WDFY4: variants seen among roughly 807,000 people sequenced by gnomAD.
WDFY4 encodes the protein WD repeat- and FYVE domain-containing protein 4.
A neutral mutation model predicts 351.9 loss-of-function variants in WDFY4; 169 were observed. That is an observed-to-expected ratio of 0.48 (90% CI 0.42 to 0.55). The LOEUF is 0.55. Ranked by LOEUF, WDFY4 falls within the 20% of genes least tolerant of loss-of-function variation. The pLI, the probability that WDFY4 is intolerant of heterozygous loss-of-function variation, is 0.00. For synonymous variants in WDFY4, 1,622 were observed against 1,574.6 expected (o/e 1.03, Z -0.71); for missense variants, 3,803 against 3,935.6 (o/e 0.97, Z 0.90).
In WDFY4 at chr10:48,946,082, A is replaced by G; in HGVS notation, c.7792A>G (p.Lys2598Glu). ...TCCGAAGATTTTCCGGGATCTTTCA[A>G]AGCCCATGGGGGCTCAGACCAAGGA... ...ANPKIFRDLS[K>E]PMGAQTKERK... is the part of the protein sequence containing the mutation. The change falls in exon 50 of 62, where the codon AAG (lysine) becomes GAG (glutamate). Residue 2598 changes from lysine (K) to glutamate (E), a missense_variant. Coordinates refer to ENST00000325239, the MANE Select transcript of WDFY4 (RefSeq NM_001394531.1). 1 of 1,545,210 alleles carries G rather than the reference A, an allele frequency of 6.5e-7. No individual in the cohort carries two copies.
rs1417064466 is a variant in WDFY4, at chr10:48,820,440, G to A, written c.5709+3G>A. The A allele has an allele frequency of 3.7e-5, 58 of 1,550,530 alleles. No individual in the cohort carries two copies. Among genetic ancestry groups the A allele is most frequent in the Non-Finnish European group, 4.9e-5 (56 of 1,146,414 alleles). On this transcript the variant is annotated splice_donor_region_variant and intron_variant, in intron 33 of 61. Transcript: ENST00000325239. ...TGCCCCTGGAGGTGCTCCTGGAGGT[G>A]GGTTGGAAAAGGTGACATTGGGCCA...
chr10:48,720,288 G>A (rs992986824), intron 3 of WDFY4, among the ~76,000 whole-genome samples, 163 bp downstream of exon 3: 2 of 152,208 alleles, frequency 1.3e-5, no homozygotes, highest in African/African-American at 4.8e-5. Context: ...AGGGACCAAG[G>A]GAAATGCAGG....
At chr10:48,712,354 T>G (rs2063789936) in intron 2 of WDFY4, among the ~76,000 whole-genome samples, 1 of 152,222 alleles carries the variant, frequency 6.6e-6, no homozygotes, top group Non-Finnish European at 1.5e-5. Flanking sequence ...TCCAGTGTAC[T>G]TACTGCACAT....
chr10:48,915,019 A>G (rs972088243), intron 47 of WDFY4, among the ~76,000 whole-genome samples: 4 of 152,224 alleles, frequency 2.6e-5, no homozygotes, highest in East Asian at 1.9e-4. Flanking sequence ...CAGAATGTCA[A>G]TGTGATGTGA....
chr10:48,690,560 C>G (rs1020875054), intron 1 of WDFY4, among the ~76,000 whole-genome samples: 1 of 152,152 alleles, frequency 6.6e-6, no homozygotes, highest in East Asian at 1.9e-4. Context: ...GGTAGCTTCT[C>G]TCTATAGGCA....
intron 57 of WDFY4, among the ~76,000 whole-genome samples, chr10:48,971,808 A>C (rs73298957): frequency 2.6e-4 from 39 of 152,304 alleles, no homozygotes; most frequent in African/African-American, 9.1e-4. Flanking sequence ...GGCAACAGGC[A>C]GGTGACCTTC....
At chr10:48,822,149 T>C (rs1238405242) in intron 34 of WDFY4, among the ~76,000 whole-genome samples, 1 of 152,228 alleles carries the variant, frequency 6.6e-6, no homozygotes, top group Non-Finnish European at 1.5e-5. Context: ...TGCTTCACCT[T>C]GCTTGCTTTC....
At chr10:48,876,904 A>T (rs1056741237) in intron 42 of WDFY4, 129 bp from the exon 43 acceptor site, 3 of 895,268 alleles carry the variant, frequency 3.4e-6, no homozygotes, top group Non-Finnish European at 3.1e-6. Flanking sequence ...GCACAGTGAG[A>T]GATCCACGCT....
At chr10:48,839,557 T>C (rs1483184562) in intron 39 of WDFY4, among the ~76,000 whole-genome samples, 1 of 151,882 alleles carries the variant, frequency 6.6e-6, no homozygotes, top group Non-Finnish European at 1.5e-5. Context: ...GATCTTGTGA[T>C]AGGTTCTTAC....
chr10:48,687,510 G>A (rs1269389328), intron 1 of WDFY4, among the ~76,000 whole-genome samples: 1 of 151,972 alleles, frequency 6.6e-6, no homozygotes, highest in East Asian at 1.9e-4. Context: ...GCCTGGAAAT[G>A]GCTTTTGTGT....
chr10:48,769,903 C>T (rs746688306), intron 13 of WDFY4, among the ~76,000 whole-genome samples: 2 of 152,224 alleles, frequency 1.3e-5, no homozygotes, highest in Non-Finnish European at 2.9e-5. Flanking sequence ...GCTAATTTGC[C>T]TTGCGGGCCC....
In WDFY4 at chr10:48,806,000, A is replaced by G. The variant is rs1231453557; in HGVS notation, c.4647-4A>G. The G allele has an allele frequency of 1.3e-6, 2 of 1,551,480 alleles. No individual in the cohort carries two copies. Among genetic ancestry groups the G allele is most frequent in the African/African-American group, 2.7e-5 (2 of 73,036 alleles). On this transcript the variant is annotated splice_region_variant and splice_polypyrimidine_tract_variant and intron_variant, in intron 26 of 61. Transcript: ENST00000325239. ...AGCCTGTCCTTCTCTCCCTGTGTATAAAGGATTGGGCTGTTTGTTGTGTAC... is the reference window on the plus strand; with the variant it reads ...AGCCTGTCCTTCTCTCCCTGTGTATGAAGGATTGGGCTGTTTGTTGTGTAC...
chr10:48,903,995 A>C (rs35599486), intron 47 of WDFY4, among the ~76,000 whole-genome samples: 1 of 152,162 alleles, frequency 6.6e-6, no homozygotes, highest in Non-Finnish European at 1.5e-5. Flanking sequence ...TGTGGAAGAC[A>C]TCCTGGAAGC....
At chr10:48,823,709 CA>C in intron 35 of WDFY4, 1 of 993,842 alleles carries the variant, frequency 1.0e-6, no homozygotes, top group Non-Finnish European at 1.2e-6. Context: ...CATGGACTCC[CA>C]GCTAATATCC....
intron 47 of WDFY4, among the ~76,000 whole-genome samples, chr10:48,928,953 T>A (rs1300691586): frequency 6.6e-6 from 1 of 152,182 alleles, no homozygotes; most frequent in Non-Finnish European, 1.5e-5. Flanking sequence ...CCCGCTCACA[T>A]TCTAGAAAAA....
At position 48,729,202 on chromosome 10, in the gene WDFY4, G is replaced by A. The variant is rs372859950; in HGVS notation, c.972-230G>A. On this transcript the variant is annotated intron_variant, in intron 7 of 61. Transcript: ENST00000325239. ...GAAAGTGACTTCCTGTGAGCAGATG[G>A]CATAGCTTTTCACAGGTTACAAATG... Among the ~76,000 whole-genome samples the A allele has an allele frequency of 3.9e-5, 6 of 152,364 alleles. No individual in the cohort carries two copies. The East Asian group carries it at 7.7e-4, about 20-fold the overall frequency.
intron 43 of WDFY4, among the ~76,000 whole-genome samples, chr10:48,889,287 C>T (rs1375814257): frequency 6.6e-6 from 1 of 152,208 alleles, no homozygotes; most frequent in Non-Finnish European, 1.5e-5. Flanking sequence ...TATCTTGGAA[C>T]AAAATGCTCA....
intron 32 of WDFY4, among the ~76,000 whole-genome samples, chr10:48,819,704 T>C (rs1308222840): frequency 1.3e-5 from 2 of 152,176 alleles, no homozygotes; most frequent in East Asian, 3.9e-4. Context: ...GAAAGAACTC[T>C]TTGGAGTCCC....
chr10:48,799,330 G>C (rs1020334211), intron 24 of WDFY4, among the ~76,000 whole-genome samples: 1 of 152,192 alleles, frequency 6.6e-6, no homozygotes, highest in Admixed American at 6.5e-5. Context: ...ATTGAGGGGA[G>C]AGAATTTCAA....
Sources: allele counts gnomAD v4.1 joint callset (sites outside exome capture counted in the v4.1 genomes callset), GRCh38; gene constraint gnomAD v4.1.1; transcripts MANE v1.5; gene names NCBI Gene and HGNC (gene_info 2026-07-23, HGNC 2026-07-21).